The following KCNIP4 variants were observed in gnomAD, a reference collection of about 807,000 sequenced individuals.
KCNIP4 encodes Kv channel-interacting protein 4.
A neutral mutation model predicts 34.0 loss-of-function variants in KCNIP4; 12 were observed. The ratio of observed to expected loss-of-function variants is 0.35; its 90% CI spans 0.23 to 0.57. The LOEUF (loss-of-function observed/expected upper bound fraction) is 0.57, where lower values mean the gene tolerates loss of function less well. KCNIP4 is among the 20% of genes least tolerant of loss of function. The pLI is 0.83. For synonymous variants in KCNIP4, 124 were observed against 102.2 expected (o/e 1.21, Z -1.29); for missense variants, 238 against 311.7 (o/e 0.76, Z 1.78).
At chr4:20,933,950 C>T (rs1324900116) in intron 1 of KCNIP4, among the ~76,000 whole-genome samples, 1 of 152,124 alleles carries the variant, frequency 6.6e-6, no homozygotes, top group African/African-American at 2.4e-5. Flanking sequence ...GATATATTTC[C>T]ACACTTCTAT....
intron 2 of KCNIP4, among the ~76,000 whole-genome samples, chr4:20,882,315 T>C (rs1409903871): frequency 6.6e-6 from 1 of 152,076 alleles, no homozygotes; most frequent in African/African-American, 2.4e-5. Context: ...AGGCAAGCAA[T>C]AGGAATTCCT....
chr4:21,824,922 C>T (rs1294082056), intron 1 of KCNIP4, among the ~76,000 whole-genome samples: 1 of 151,976 alleles, frequency 6.6e-6, no homozygotes, highest in Non-Finnish European at 1.5e-5. Flanking sequence ...GGCCCAGAGA[C>T]CAAAATGGCC....
At chr4:21,657,460 T>C (rs1748055638) in intron 1 of KCNIP4, among the ~76,000 whole-genome samples, 1 of 152,210 alleles carries the variant, frequency 6.6e-6, no homozygotes. Flanking sequence ...GATAAAATTC[T>C]TAGGCTGTAG....
At chr4:20,907,054 T>C (rs1727844435) in intron 1 of KCNIP4, among the ~76,000 whole-genome samples, 1 of 152,218 alleles carries the variant, frequency 6.6e-6, no homozygotes, top group Non-Finnish European at 1.5e-5. Context: ...CATATTTGGC[T>C]TAATGAGAGT....
intron 1 of KCNIP4, among the ~76,000 whole-genome samples, chr4:21,149,339 C>CA (rs928695310): frequency 2.6e-5 from 4 of 152,098 alleles, no homozygotes; most frequent in Non-Finnish European, 5.9e-5. Context: ...TCAATAGCTC[C>CA]AAAAACCACA....
chr4:21,909,920 A>G (rs1728208752), intron 1 of KCNIP4, among the ~76,000 whole-genome samples: 1 of 152,124 alleles, frequency 6.6e-6, no homozygotes, highest in Non-Finnish European at 1.5e-5. Flanking sequence ...TGCCCCCATG[A>G]TTCAATTATC....
At chr4:20,870,578 G>A (rs1191704896) in intron 2 of KCNIP4, among the ~76,000 whole-genome samples, 11 of 152,082 alleles carry the variant, frequency 7.2e-5, no homozygotes, top group Non-Finnish European at 5.9e-5. Context: ...GTACCCAGCT[G>A]CTTCATTTTG....
At chr4:21,117,624 C>A (rs1292232916) in intron 1 of KCNIP4, among the ~76,000 whole-genome samples, 1 of 152,122 alleles carries the variant, frequency 6.6e-6, no homozygotes. Flanking sequence ...CCGTAAATGA[C>A]CAGCTTAGTC....
intron 1 of KCNIP4, among the ~76,000 whole-genome samples, chr4:21,492,109 G>A (rs1732452887): frequency 6.6e-6 from 1 of 152,094 alleles, no homozygotes; most frequent in African/African-American, 2.4e-5. Context: ...CCATGGAGTT[G>A]GCCATATTAA....
At chr4:21,007,245 G>A (rs565632323) in intron 1 of KCNIP4, among the ~76,000 whole-genome samples, 1 of 152,272 alleles carries the variant, frequency 6.6e-6, no homozygotes, top group East Asian at 1.9e-4. Context: ...ACTTGGAAGG[G>A]AAACTGAGTT....
At chr4:21,828,190 T>C (rs1167646447) in intron 1 of KCNIP4, among the ~76,000 whole-genome samples, 1 of 151,296 alleles carries the variant, frequency 6.6e-6, no homozygotes, top group African/African-American at 2.4e-5. Flanking sequence ...AAAAATCTAA[T>C]AGAATTTTTA....
chr4:20,837,848 A>ATTTTTTTTTTT (rs34976488), intron 3 of KCNIP4, among the ~76,000 whole-genome samples: 1 of 143,572 alleles, frequency 7.0e-6, no homozygotes, highest in Non-Finnish European at 1.5e-5. Flanking sequence ...TGCCCAGCAA[A>ATTTTTTTTTTT]TTTTTTTTTT....
chr4:21,009,039 A>G (rs1404016934), intron 1 of KCNIP4, among the ~76,000 whole-genome samples: 1 of 152,184 alleles, frequency 6.6e-6, no homozygotes, highest in Non-Finnish European at 1.5e-5. Context: ...CACAAATAAT[A>G]CAGAGGCAGA....
chr4:21,049,745 A>G (rs1397441495), intron 1 of KCNIP4, among the ~76,000 whole-genome samples: 3 of 152,218 alleles, frequency 2.0e-5, no homozygotes, highest in Non-Finnish European at 4.4e-5. Flanking sequence ...TCCAGGACAC[A>G]TTCTCAGTGA....
In KCNIP4 at chr4:21,792,017, A is replaced by AAAAAAAC. The variant is rs1479973033; in HGVS notation, c.61+156553_61+156554insGTTTTTT. On this transcript the variant is annotated intron_variant, in intron 1 of 8. Coordinates refer to ENST00000382152, the MANE Select transcript of KCNIP4 (RefSeq NM_025221.6). The stretch of plus-strand genomic sequence containing the variant: ...CTCCGTCTCAAAAAAAAAAAAAAAA[A>AAAAAAAC]AAAAAAAAAAAACCTACCTCATAGG... 6.0e-5 allele frequency among the ~76,000 whole-genome samples: 9 copies of AAAAAAAC among 150,242 alleles called. 1 individual carries two copies. The highest frequency in any genetic ancestry group is 2.2e-4 in the African/African-American group (9 of 40,494).
chr4:21,001,784 T>C (rs1225368377), intron 1 of KCNIP4, among the ~76,000 whole-genome samples: 1 of 152,164 alleles, frequency 6.6e-6, no homozygotes, highest in Non-Finnish European at 1.5e-5. Context: ...AGTGCTTTCG[T>C]TTTTGCACAC....
intron 1 of KCNIP4, among the ~76,000 whole-genome samples, chr4:21,308,757 C>T (rs1440257495): frequency 2.6e-5 from 4 of 151,448 alleles, no homozygotes; most frequent in African/African-American, 4.9e-5. Flanking sequence ...AAGTATGAAG[C>T]GGCAGTGAGA....
intron 1 of KCNIP4, among the ~76,000 whole-genome samples, chr4:21,134,439 C>A (rs1382928631): frequency 6.6e-6 from 1 of 152,122 alleles, no homozygotes; most frequent in Non-Finnish European, 1.5e-5. Context: ...AAGCTTCTGG[C>A]CAAAAGTATG....
chr4:20,974,570 G>A (rs1377815204), intron 1 of KCNIP4, among the ~76,000 whole-genome samples: 1 of 152,108 alleles, frequency 6.6e-6, no homozygotes, highest in Non-Finnish European at 1.5e-5. Flanking sequence ...TGGTTCTCAA[G>A]GCTGCTTGAT....
Sources: gnomAD v4.1 joint callset for allele counts (sites outside exome capture counted in the v4.1 genomes callset) on GRCh38, gnomAD v4.1.1 for gene constraint, MANE v1.5 for transcripts, NCBI Gene and HGNC (gene_info 2026-07-23, HGNC 2026-07-21) for gene names.